Variants in DENND2B observed in about 807,000 individuals in gnomAD.
DENND2B encodes DENN domain-containing protein 2B.
In DENND2B, 32 loss-of-function variants were observed where a neutral mutation model predicts 116.0. That is an observed-to-expected ratio of 0.28 (90% CI 0.21 to 0.37). The LOEUF is 0.37. Ranked by LOEUF, DENND2B falls within the 10% of genes least tolerant of loss-of-function variation. The pLI is 1.00. For synonymous variants in DENND2B, 588 were observed against 583.9 expected, an observed-to-expected ratio of 1.01 and a Z score of -0.10; for missense variants, 1,276 against 1,477.7, an observed-to-expected ratio of 0.86 and a Z score of 2.24.
rs533581737 is a variant in DENND2B at position 8,863,527 on chromosome 11, C to G, written c.-249-6091G>C. Among the ~76,000 whole-genome samples, 5 of 152,188 alleles carry G rather than the reference C, an allele frequency of 3.3e-5. No homozygotes were observed. In the East Asian group the frequency reaches 9.7e-4, roughly 29 times the overall value. On this transcript the variant is annotated intron_variant, in intron 2 of 6. Coordinates refer to the DENND2B transcript ENST00000524757. The stretch of plus-strand genomic sequence containing the variant: ...GGATTACAGGCGTCAGCCACTGCGC[C>G]CGGCCTGCCTCTTACGCCACTTCCT...
chr11:8,777,412 C>T (rs1482632460), intron 1 of DENND2B, among the ~76,000 whole-genome samples: 1 of 152,216 alleles, frequency 6.6e-6, no homozygotes, highest in African/African-American at 2.4e-5. Flanking sequence ...TTTCATGTCT[C>T]ACCCTCAGAC....
chr11:8,747,516 C>CA (rs1412616139), intron 2 of DENND2B, among the ~76,000 whole-genome samples: 1 of 152,190 alleles, frequency 6.6e-6, no homozygotes, highest in African/African-American at 2.4e-5. Flanking sequence ...AACCTGCTTC[C>CA]AGTCCCACCC....
chr11:8,786,840 C>CAA (rs139158870), intron 1 of DENND2B, among the ~76,000 whole-genome samples: 72 of 150,618 alleles, frequency 4.8e-4, no homozygotes, highest in African/African-American at 1.7e-3. Flanking sequence ...AAACAAACAA[C>CAA]AAAAAAAAAC....
At chr11:8,759,119 A>C (rs1251580177) in intron 1 of DENND2B, among the ~76,000 whole-genome samples, 3 of 152,170 alleles carry the variant, frequency 2.0e-5, no homozygotes. Context: ...GCTCTCTCAA[A>C]GGTCCAAGAA....
intron 1 of DENND2B, among the ~76,000 whole-genome samples, chr11:8,886,378 T>C (rs1169952900): frequency 6.6e-6 from 1 of 152,096 alleles, no homozygotes; most frequent in African/African-American, 2.4e-5. Flanking sequence ...CATTCTAAAG[T>C]GTTAGAATAA....
At chr11:8,696,398 AGAG>A (rs2040366735) in intron 18 of DENND2B, 26 bp downstream of exon 18, 9 of 1,610,120 alleles carry the variant, frequency 5.6e-6, no homozygotes, top group Admixed American at 3.4e-5. Flanking sequence ...TGAAAAAATT[AGAG>A]AAGAGAGCTG....
At chr11:8,832,266 C>CA (rs1393747289) in intron 4 of DENND2B, among the ~76,000 whole-genome samples, 1 of 152,118 alleles carries the variant, frequency 6.6e-6, no homozygotes, top group Non-Finnish European at 1.5e-5. Context: ...TCCTGGCCAA[C>CA]ACGGTGAAAC....
chr11:8,873,577 A>T (rs2063814178), upstream of DENND2B, among the ~76,000 whole-genome samples: 1 of 152,216 alleles, frequency 6.6e-6, no homozygotes, highest in African/African-American at 2.4e-5. Flanking sequence ...TGTTAATGCT[A>T]TATTTTAAAT....
intron 2 of DENND2B, among the ~76,000 whole-genome samples, chr11:8,733,574 T>A (rs1221514508): frequency 1.3e-5 from 2 of 152,302 alleles, no homozygotes; most frequent in Non-Finnish European, 2.9e-5. Context: ...GAAGCCTTTT[T>A]AAACTATACA....
At chr11:8,859,178 A>G (rs1321651235) in intron 2 of DENND2B, among the ~76,000 whole-genome samples, 3 of 152,186 alleles carry the variant, frequency 2.0e-5, no homozygotes, top group East Asian at 1.9e-4. Context: ...GTACTGCTTT[A>G]TATCATTCTT....
At chr11:8,756,974 A>G in intron 1 of DENND2B, 1 of 453,648 alleles carries the variant, frequency 2.2e-6, no homozygotes, top group Non-Finnish European at 4.4e-6. Flanking sequence ...GTTCCTCAAA[A>G]ACACAGCTCT....
chr11:8,766,746 T>G, intron 1 of DENND2B: 1 of 1,201,956 alleles, frequency 8.3e-7, no homozygotes, highest in Non-Finnish European at 1.1e-6. Context: ...AATAGTCAAC[T>G]GTTGTGATGT....
chr11:8,729,924 C>A (rs1156882055), intron 3 of DENND2B, 26 bp downstream of exon 3: 1 of 1,609,760 alleles, frequency 6.2e-7, no homozygotes, highest in African/African-American at 1.3e-5. Context: ...TATTCAGCTA[C>A]AACACACCGG....
At chr11:8,903,993 C>T (rs1354966455) in intron 1 of DENND2B, among the ~76,000 whole-genome samples, 1 of 151,566 alleles carries the variant, frequency 6.6e-6, no homozygotes, top group Non-Finnish European at 1.5e-5. Flanking sequence ...AAAGTAAAGC[C>T]CAGGCCCAGA....
intron 4 of DENND2B, among the ~76,000 whole-genome samples, chr11:8,721,781 G>A (rs1399878690): frequency 6.6e-6 from 1 of 152,204 alleles, no homozygotes; most frequent in Non-Finnish European, 1.5e-5. Context: ...CCCAGCCTGG[G>A]GGCAAATAAG....
At chr11:8,841,381 G>A (rs536853148) in intron 3 of DENND2B, among the ~76,000 whole-genome samples, 1 of 152,134 alleles carries the variant, frequency 6.6e-6, no homozygotes, top group Admixed American at 6.5e-5. Flanking sequence ...CCTCACGCCT[G>A]TAATCCCAGC....
At chr11:8,852,859 G>A (rs1409545705) in intron 3 of DENND2B, among the ~76,000 whole-genome samples, 1 of 152,202 alleles carries the variant, frequency 6.6e-6, no homozygotes, top group Non-Finnish European at 1.5e-5. Context: ...GGCTGGATTG[G>A]AGGCAGCAAG....
At chr11:8,718,096 A>ACCCCCCCACCCCCCCAC (rs2045330316) in intron 4 of DENND2B, 1 of 66,636 alleles carries the variant, frequency 1.5e-5, no homozygotes, top group Non-Finnish European at 2.8e-5. Flanking sequence ...AAGCAGACCC[A>ACCCCCCCACCCCCCCAC]CCCCCCCACC....
At chr11:8,890,589 T>C (rs1439811111) in intron 1 of DENND2B, among the ~76,000 whole-genome samples, 2 of 152,176 alleles carry the variant, frequency 1.3e-5, no homozygotes, top group African/African-American at 4.8e-5. Context: ...AACTACGTGA[T>C]GAATGCACAA....
Sources: allele counts gnomAD v4.1 joint callset (sites outside exome capture counted in the v4.1 genomes callset), GRCh38; gene constraint gnomAD v4.1.1; transcripts MANE v1.5; gene names NCBI Gene and HGNC (gene_info 2026-07-23, HGNC 2026-07-21).